The following TNS3 variants were observed in gnomAD, a reference collection of about 807,000 sequenced individuals.
TNS3 encodes the protein tensin 3.
A neutral mutation model predicts 140.9 loss-of-function variants in TNS3; 45 were observed. That is an observed-to-expected ratio of 0.32 (90% CI 0.25 to 0.41). TNS3 has a LOEUF of 0.41. TNS3 is among the 10% of genes least tolerant of loss of function. The pLI, the probability that TNS3 is intolerant of heterozygous loss-of-function variation, is 1.00. For synonymous variants in TNS3, 815 were observed against 788.4 expected, an observed-to-expected ratio of 1.03 and a Z score of -0.56; for missense variants, 1,716 against 1,906.7, an observed-to-expected ratio of 0.90 and a Z score of 1.86.
intron 3 of TNS3, among the ~76,000 whole-genome samples, chr7:47,486,735 A>G (rs1321299413): frequency 6.6e-6 from 1 of 152,182 alleles, no homozygotes; most frequent in African/African-American, 2.4e-5. Context: ...CTTTTGATGA[A>G]CACAATAAAA....
rs149024044 is a variant in TNS3, at chr7:47,434,760, G to C, written c.324+522C>G. 2.9e-3 allele frequency among the ~76,000 whole-genome samples: 444 copies of C among 152,334 alleles called. 1 individual carries two copies. Among genetic ancestry groups the C allele is most frequent in the African/African-American group, 0.01 (419 of 41,578 alleles). ...TCCACCAACCCTGCTGGGGCTGACA[G>C]ACAGACAGTCCCGGCCACTCTGTGA... On this transcript the variant is annotated intron_variant, in intron 8 of 30. Coordinates refer to ENST00000311160, the MANE Select transcript of TNS3 (RefSeq NM_022748.12).
intron 20 of TNS3, among the ~76,000 whole-genome samples, chr7:47,319,335 T>C (rs1411249776): frequency 2.0e-5 from 3 of 151,786 alleles, no homozygotes; most frequent in Non-Finnish European, 4.4e-5. Context: ...CCACTCCCAC[T>C]GGACTTGTGA....
At chr7:47,450,061 A>G (rs1795944389) in intron 4 of TNS3, among the ~76,000 whole-genome samples, 1 of 152,214 alleles carries the variant, frequency 6.6e-6, no homozygotes, top group Admixed American at 6.5e-5. Context: ...CACTCTGCAC[A>G]CAATAGCCAC....
rs1793528691 is a variant in TNS3 at position 47,407,766 on chromosome 7, C to G, written c.723+3961G>C. On this transcript the variant is annotated intron_variant, in intron 13 of 30. Coordinates refer to ENST00000311160, the MANE Select transcript of TNS3 (RefSeq NM_022748.12). This position sits in a 1 kb window ranked among gnomAD's most constrained non-coding sequence, Gnocchi z 4.1. ...AAGAAGAGATGAGGACATAGACACA[C>G]AGAGGGAAGCCCAGGTGAGGACACA... is the stretch of plus-strand genomic sequence containing the variant. Among the ~76,000 whole-genome samples the G allele has an allele frequency of 6.6e-6, 1 of 152,126 alleles. No homozygotes were observed. Among genetic ancestry groups the G allele is most frequent in the Non-Finnish European group, 1.5e-5 (1 of 68,028 alleles).
rs376058659 is a variant in TNS3 at position 47,388,997 on chromosome 7, A to C, written c.1024+7803T>G. 8.2e-3 allele frequency among the ~76,000 whole-genome samples: 382 copies of C among 46,530 alleles called. 44 individuals are homozygous for C. Among genetic ancestry groups the C allele is most frequent in the Non-Finnish European group, 0.013 (272 of 21,688 alleles). 30.5% of individuals were successfully genotyped at this position (46,530 alleles called of 152,430 possible). A position where few individuals can be genotyped will look rare whatever the true frequency, so the allele number is the denominator to read the frequency against. ...GAAGAAGCAGCAGAGGAAGAAGAAG[A>C]AGAAGGAAGAAGAAGAAGAAGAAGA... On this transcript the variant is annotated intron_variant, in intron 16 of 30. Transcript: ENST00000311160.
chr7:47,525,275 C>T lies in TNS3; in HGVS notation c.-153+3761G>A, dbSNP rs183354715. Among the ~76,000 whole-genome samples, 1,005 of 152,256 alleles carry T rather than the reference C, an allele frequency of 6.6e-3. 14 individuals carry two copies. Among genetic ancestry groups the T allele is most frequent in the African/African-American group, 0.023 (936 of 41,546 alleles). ...AACTCCAGAGAGTTCCAAGAGGAGG[C>T]GGGAAAGCATCATTACCAACAGAAA... On this transcript the variant is annotated intron_variant, in intron 2 of 30. Coordinates refer to ENST00000311160, the MANE Select transcript of TNS3 (RefSeq NM_022748.12).
At chr7:47,285,025 T>C (rs1247334069) in intron 27 of TNS3, among the ~76,000 whole-genome samples, 1 of 152,084 alleles carries the variant, frequency 6.6e-6, no homozygotes, top group Non-Finnish European at 1.5e-5. Context: ...TGGCAGGTGG[T>C]TTGGCAGGTA....
chr7:47,494,330 G>C (rs1474141417), intron 3 of TNS3, among the ~76,000 whole-genome samples: 1 of 152,196 alleles, frequency 6.6e-6, no homozygotes, highest in Non-Finnish European at 1.5e-5. Flanking sequence ...GCAGTGCTAA[G>C]CTTTCTAACC....
chr7:47,315,588 T>A (rs6463412), intron 20 of TNS3, among the ~76,000 whole-genome samples: 56,950 of 152,022 alleles, frequency 0.37, 10,757 homozygotes, highest in South Asian at 0.47. Flanking sequence ...TTACATGACA[T>A]ATAAGTTAAC....
intron 20 of TNS3, among the ~76,000 whole-genome samples, chr7:47,315,362 C>G (rs146034676): frequency 6.6e-6 from 1 of 152,310 alleles, no homozygotes; most frequent in East Asian, 1.9e-4. Flanking sequence ...GGCAGCCCCC[C>G]GGGACCGGGC....
intron 20 of TNS3, among the ~76,000 whole-genome samples, chr7:47,336,858 G>T (rs1303061035): frequency 6.6e-6 from 1 of 152,170 alleles, no homozygotes; most frequent in Non-Finnish European, 1.5e-5. Flanking sequence ...CGTTAGCCTG[G>T]ATACAGATGG....
intron 1 of TNS3, among the ~76,000 whole-genome samples, chr7:47,561,451 A>G (rs1177536128): frequency 2.0e-5 from 3 of 152,110 alleles, no homozygotes; most frequent in Non-Finnish European, 4.4e-5. Flanking sequence ...GTTTCTGTTC[A>G]TTATCTGTTT....
chr7:47,522,269 G>T (rs1311364788), intron 2 of TNS3, among the ~76,000 whole-genome samples: 1 of 152,218 alleles, frequency 6.6e-6, no homozygotes, highest in South Asian at 2.1e-4. Context: ...CTCGACGGGT[G>T]ACATTCCCTG....
rs61731310 is a variant in TNS3 at position 47,344,813 on chromosome 7, C to T, written c.2592G>A (p.Pro864=). The change falls in exon 20 of 31, where the codon CCG becomes CCA. Residue 864 remains proline (P), a synonymous_variant. Transcript: ENST00000311160. ...TCAGCGGGGGCTCAGGTGGGCTGAA[C>T]GGAGGATGGCGCAGCGCTGTTTTCA... ...PYVKTALRHP[P]FSPPEPPLSS... The T allele has an allele frequency of 1.3e-3, 2,040 of 1,613,602 alleles. 19 individuals carry two copies. The African/African-American group carries it at 0.025, about 20-fold the overall frequency.
chr7:47,464,587 A>AG (rs1433443067), intron 4 of TNS3, among the ~76,000 whole-genome samples: 1 of 152,172 alleles, frequency 6.6e-6, no homozygotes, highest in African/African-American at 2.4e-5. Flanking sequence ...AGAGAGACTT[A>AG]GGGACCCTAT....
At position 47,537,504 on chromosome 7, in the gene TNS3, G is replaced by C. The variant is rs188578145; in HGVS notation, c.-264-8357C>G. ...GTGGGTGAGGAAACGCCTTCCAGGC[G>C]GGGGGAGCAGGATCTTGCAGCCGCC... is the stretch of plus-strand genomic sequence containing the variant. On this transcript the variant is annotated intron_variant, in intron 1 of 30. Coordinates refer to ENST00000311160, the MANE Select transcript of TNS3 (RefSeq NM_022748.12). Among the ~76,000 whole-genome samples, 266 of 152,118 alleles carry C rather than the reference G, an allele frequency of 1.7e-3. 3 individuals carry two copies. Among genetic ancestry groups the C allele is most frequent in the East Asian group, 0.014 (73 of 5,102 alleles).
At position 47,303,579 on chromosome 7, in the gene TNS3, G is replaced by A. The variant is rs1786556561; in HGVS notation, c.2828C>T (p.Ser943Phe). 6.3e-7 allele frequency: 1 copy of A among 1,590,764 alleles called. No homozygotes were observed. Among genetic ancestry groups the A allele is most frequent in the East Asian group, 2.3e-5 (1 of 44,308 alleles). ...CTCCACCCACTGGCGTTCTGCAGAAGAGGAGCTGTTCAAAAGACAAGCCGA... is the reference window on the plus strand; with the variant it reads ...CTCCACCCACTGGCGTTCTGCAGAAAAGGAGCTGTTCAAAAGACAAGCCGA... ...NGPGQRRESS[S>F]SAERQWVESS... The change falls in exon 22 of 31, where the codon TCT (serine) becomes TTT (phenylalanine). Residue 943 changes from serine (S) to phenylalanine (F), a missense_variant. Transcript: ENST00000311160.
rs373892589 is a variant in TNS3 at position 47,542,265 on chromosome 7, GC to G, written c.-264-13119del. ...CCTTGGATGGGACAAGCCATGGTCAGCGCCACCTGTGATTCAGAGATGAGAA... is the reference window on the plus strand; with the variant it reads ...CCTTGGATGGGACAAGCCATGGTCAGGCCACCTGTGATTCAGAGATGAGAA... On this transcript the variant is annotated intron_variant, in intron 1 of 30. Coordinates refer to ENST00000311160, the MANE Select transcript of TNS3 (RefSeq NM_022748.12). Among the ~76,000 whole-genome samples, 36 of 152,318 alleles carry G rather than the reference GC, an allele frequency of 2.4e-4. 1 individual carries two copies. In the East Asian group the frequency reaches 6.6e-3, roughly 28 times the overall value.
intron 10 of TNS3, among the ~76,000 whole-genome samples, chr7:47,416,806 C>A (rs537531201): frequency 2.4e-4 from 37 of 152,356 alleles, no homozygotes; most frequent in Admixed American, 1.6e-3. Context: ...TTGTGGATTT[C>A]ATGGGTCCTT....
Sources: gnomAD v4.1 joint callset for allele counts (sites outside exome capture counted in the v4.1 genomes callset) on GRCh38, gnomAD v4.1.1 for gene constraint, Gnocchi (gnomAD v3.1) non-coding constraint, MANE v1.5 for transcripts, NCBI Gene and HGNC (gene_info 2026-07-23, HGNC 2026-07-21) for gene names.